Variants in SNTG1 observed in about 807,000 individuals in gnomAD.
SNTG1 encodes gamma-1-syntrophin.
A neutral mutation model predicts 74.7 loss-of-function variants in SNTG1; 39 were observed. That is an observed-to-expected ratio of 0.52 (90% CI 0.40 to 0.68). SNTG1 has a LOEUF of 0.68. Among genes scored for constraint, SNTG1 ranks in the 30% least tolerant of loss-of-function variants. The pLI is 0.00. For synonymous variants in SNTG1, 254 were observed against 217.1 expected, an observed-to-expected ratio of 1.17 and a Z score of -1.49; for missense variants, 685 against 609.5, an observed-to-expected ratio of 1.12 and a Z score of -1.30.
chr8:49,942,458 A>C (rs547834493), intron 1 of SNTG1, among the ~76,000 whole-genome samples: 11 of 152,152 alleles, frequency 7.2e-5, no homozygotes, highest in African/African-American at 2.7e-4. Context: ...AAAATTAATA[A>C]ACCAATATCA....
At chr8:50,096,956 A>G (rs1290568807) in intron 1 of SNTG1, among the ~76,000 whole-genome samples, 1 of 152,040 alleles carries the variant, frequency 6.6e-6, no homozygotes, top group Non-Finnish European at 1.5e-5. Context: ...AATTCTTACT[A>G]AAACTTTTTA....
intron 15 of SNTG1, among the ~76,000 whole-genome samples, chr8:50,674,180 C>T (rs1411709080): frequency 1.3e-5 from 2 of 152,052 alleles, no homozygotes; most frequent in East Asian, 3.9e-4. Flanking sequence ...TAGGATTACA[C>T]TGGCTTCATA....
intron 1 of SNTG1, among the ~76,000 whole-genome samples, chr8:50,026,066 G>T (rs1195121773): frequency 6.6e-6 from 1 of 150,914 alleles, no homozygotes; most frequent in East Asian, 1.9e-4. Context: ...ATCTAAAATT[G>T]TTCCATACTG....
intron 17 of SNTG1, among the ~76,000 whole-genome samples, chr8:50,724,509 T>A (rs1324523941): frequency 6.6e-6 from 1 of 152,188 alleles, no homozygotes; most frequent in East Asian, 1.9e-4. Context: ...AGCATTATTT[T>A]TAAAAGACTG....
intron 2 of SNTG1, among the ~76,000 whole-genome samples, chr8:50,342,159 A>T (rs570358603): frequency 6.6e-6 from 1 of 152,116 alleles, no homozygotes; most frequent in South Asian, 2.1e-4. Context: ...ATAAAAGGCA[A>T]TTTTTTTCCT....
rs1202677381 is a variant in SNTG1, at chr8:49,991,904, T to C, written c.-103+79673T>C. On this transcript the variant is annotated intron_variant, in intron 1 of 18. Coordinates refer to ENST00000642720, the MANE Select transcript of SNTG1 (RefSeq NM_018967.5). Reference sequence around the variant, plus strand: ...GATGTTTGCACAACTGTATAAATACTACAAACCAATGAATTATGGCATTTA... The same window carrying C: ...GATGTTTGCACAACTGTATAAATACCACAAACCAATGAATTATGGCATTTA... Among the ~76,000 whole-genome samples the C allele has an allele frequency of 3.9e-5, 6 of 152,196 alleles. No homozygotes were observed. In the South Asian group the frequency reaches 8.3e-4, roughly 21 times the overall value.
intron 1 of SNTG1, among the ~76,000 whole-genome samples, chr8:49,925,914 T>C (rs1806979990): frequency 6.6e-6 from 1 of 152,224 alleles, no homozygotes; most frequent in African/African-American, 2.4e-5. Flanking sequence ...TAATTGTTAT[T>C]CAGTAATAGA....
chr8:50,732,583 A>C (rs2095515532), intron 17 of SNTG1, among the ~76,000 whole-genome samples: 1 of 151,896 alleles, frequency 6.6e-6, no homozygotes, highest in African/African-American at 2.4e-5. Flanking sequence ...TTTACATTTT[A>C]TATATTGTAT....
intron 2 of SNTG1, among the ~76,000 whole-genome samples, chr8:50,205,834 C>A (rs1426604319): frequency 1.3e-5 from 2 of 152,128 alleles, no homozygotes; most frequent in East Asian, 3.9e-4. Flanking sequence ...AATCCTTTCC[C>A]CATTTCTTGT....
At chr8:50,785,533 C>G (rs1472679346) in intron 18 of SNTG1, among the ~76,000 whole-genome samples, 1 of 151,912 alleles carries the variant, frequency 6.6e-6, no homozygotes, top group African/African-American at 2.4e-5. Context: ...ATTTTTAAAA[C>G]ACTTCCCACA....
intron 17 of SNTG1, among the ~76,000 whole-genome samples, chr8:50,727,148 T>G (rs866000138): frequency 6.6e-6 from 1 of 152,068 alleles, no homozygotes; most frequent in Non-Finnish European, 1.5e-5. Context: ...AATGATGACA[T>G]AGAGATTCAT....
chr8:50,634,298 G>A lies in SNTG1; in HGVS notation c.850-22611G>A, dbSNP rs137940151. 3.5e-3 allele frequency among the ~76,000 whole-genome samples: 533 copies of A among 152,308 alleles called. 5 individuals are homozygous for A. Among genetic ancestry groups the A allele is most frequent in the African/African-American group, 0.012 (497 of 41,566 alleles). ...GGCAGATTAAAGCCTCCTTTTCTGTGGGGCGGCTAACTGTGGCACAAATCA... is the reference window on the plus strand; with the variant it reads ...GGCAGATTAAAGCCTCCTTTTCTGTAGGGCGGCTAACTGTGGCACAAATCA... On this transcript the variant is annotated intron_variant, in intron 13 of 18. Coordinates refer to ENST00000642720, the MANE Select transcript of SNTG1 (RefSeq NM_018967.5).
rs377033783 is a variant in SNTG1, at chr8:49,968,314, T to TC, written c.-103+56090dup. Among the ~76,000 whole-genome samples the TC allele has an allele frequency of 2.5e-3, 379 of 152,150 alleles. 2 individuals are homozygous for TC. Among genetic ancestry groups the TC allele is most frequent in the African/African-American group, 7.8e-3 (324 of 41,524 alleles). ...CTTATGAAATTTCAGCACCTTCTCTTCCCCCCCAATTATGGTGTATTTTGT... is the reference window on the plus strand; with the variant it reads ...CTTATGAAATTTCAGCACCTTCTCTTCCCCCCCCAATTATGGTGTATTTTGT... On this transcript the variant is annotated intron_variant, in intron 1 of 18. Coordinates refer to ENST00000642720, the MANE Select transcript of SNTG1 (RefSeq NM_018967.5).
chr8:50,491,180 T>C (rs189710979), intron 8 of SNTG1: 128 of 152,462 alleles, frequency 8.4e-4, no homozygotes, highest in South Asian at 1.7e-3. Flanking sequence ...TCCCCAGAGT[T>C]TACACGTGAC....
intron 1 of SNTG1, among the ~76,000 whole-genome samples, chr8:50,085,359 C>T (rs1002867233): frequency 2.6e-5 from 4 of 152,142 alleles, no homozygotes; most frequent in South Asian, 4.1e-4. Context: ...TCTCTTCCTT[C>T]TATACTATAT....
intron 14 of SNTG1, among the ~76,000 whole-genome samples, 179 bp from the exon 15 acceptor site, chr8:50,658,413 G>T (rs2095197125): frequency 1.3e-5 from 2 of 152,218 alleles, no homozygotes; most frequent in South Asian, 2.1e-4. Context: ...TGGTAACAAA[G>T]CTTGGAAAAG....
chr8:50,192,149 C>A (rs554681148), intron 2 of SNTG1, among the ~76,000 whole-genome samples: 1 of 152,256 alleles, frequency 6.6e-6, no homozygotes, highest in South Asian at 2.1e-4. Flanking sequence ...AAAGCCAAAT[C>A]TCCAAAAAGC....
At chr8:50,754,580 T>C (rs1479427782) in intron 18 of SNTG1, among the ~76,000 whole-genome samples, 2 of 151,906 alleles carry the variant, frequency 1.3e-5, no homozygotes, top group African/African-American at 4.8e-5. Context: ...CTTGTCTCTG[T>C]TTTTCTGTTA....
chr8:50,749,133 C>T (rs1389667952), intron 17 of SNTG1, among the ~76,000 whole-genome samples: 1 of 151,978 alleles, frequency 6.6e-6, no homozygotes, highest in East Asian at 1.9e-4. Context: ...ACTGCTACTC[C>T]AGGGAACACA....
Sources: gnomAD v4.1 joint callset for allele counts (sites outside exome capture counted in the v4.1 genomes callset) on GRCh38, gnomAD v4.1.1 for gene constraint, MANE v1.5 for transcripts, NCBI Gene and HGNC (gene_info 2026-07-23, HGNC 2026-07-21) for gene names.